The following THSD7B variants were observed in gnomAD, a reference collection of about 807,000 sequenced individuals.
The protein encoded by THSD7B is thrombospondin type-1 domain-containing protein 7B.
A neutral mutation model predicts 213.6 loss-of-function variants in THSD7B; 138 were observed. The observed-to-expected ratio is 0.65, with a 90% CI of 0.56 to 0.74. The LOEUF is 0.74. Ranked by LOEUF, THSD7B falls within the 30% of genes least tolerant of loss-of-function variation. The probability of loss-of-function intolerance (pLI) is 0.00; values close to 1 mark genes in which losing one functional copy is unlikely to be tolerated. For synonymous variants in THSD7B, 742 were observed against 687.0 expected, an observed-to-expected ratio of 1.08 and a Z score of -1.25; for missense variants, 1,931 against 1,991.5, an observed-to-expected ratio of 0.97 and a Z score of 0.58.
At chr2:136,923,824 T>C (rs1558853856) in intron 2 of THSD7B, among the ~76,000 whole-genome samples, 1 of 152,204 alleles carries the variant, frequency 6.6e-6, no homozygotes, top group South Asian at 2.1e-4. Flanking sequence ...TATCGTGTTA[T>C]AGAAGTTCCT....
chr2:137,316,354 C>G (rs1173386078), intron 12 of THSD7B, among the ~76,000 whole-genome samples: 1 of 152,220 alleles, frequency 6.6e-6, no homozygotes, highest in Non-Finnish European at 1.5e-5. Flanking sequence ...CAAAAAGTTA[C>G]TAAGAATTTA....
chr2:137,351,536 A>C (rs1685014072), intron 12 of THSD7B, among the ~76,000 whole-genome samples: 1 of 151,948 alleles, frequency 6.6e-6, no homozygotes, highest in East Asian at 1.9e-4. Flanking sequence ...TTCCAACTAA[A>C]TAGAAAATAG....
chr2:137,502,145 T>C (rs1334190004), intron 15 of THSD7B, among the ~76,000 whole-genome samples: 1 of 152,058 alleles, frequency 6.6e-6, no homozygotes, highest in African/African-American at 2.4e-5. Context: ...GTTCTGTGCA[T>C]TGAGGATAAC....
rs569680366 is a variant in THSD7B, at chr2:136,878,430, TC to T, written c.-35-3712del. ...TGACTTATAATCCTTTGGGTATATA[TC>T]CAGTAATGGGATGGCTGGGTCAAAT... On this transcript the variant is annotated intron_variant, in intron 1 of 27. Transcript: ENST00000409968. 2.8e-4 allele frequency among the ~76,000 whole-genome samples: 42 copies of T among 152,258 alleles called. 1 individual carries two copies. In the South Asian group the frequency reaches 8.7e-3, roughly 32 times the overall value.
At chr2:137,116,951 A>C (rs2104940232) in intron 5 of THSD7B, among the ~76,000 whole-genome samples, 1 of 152,324 alleles carries the variant, frequency 6.6e-6, no homozygotes, top group South Asian at 2.1e-4. Flanking sequence ...GGAAAACAGA[A>C]AGTACTTAGA....
intron 17 of THSD7B, among the ~76,000 whole-genome samples, chr2:137,587,143 G>A (rs1033782790): frequency 6.6e-6 from 1 of 152,156 alleles, no homozygotes; most frequent in African/African-American, 2.4e-5. Context: ...ACTGAAGCTT[G>A]TGCATTTGTC....
intron 3 of THSD7B, among the ~76,000 whole-genome samples, chr2:137,091,893 C>T (rs895541361): frequency 1.3e-5 from 2 of 152,156 alleles, no homozygotes; most frequent in Admixed American, 6.6e-5. Context: ...CGACTTACAG[C>T]TTTCTGTTGT....
chr2:137,368,771 C>A (rs1354874421), intron 12 of THSD7B, among the ~76,000 whole-genome samples: 1 of 152,074 alleles, frequency 6.6e-6, no homozygotes, highest in Non-Finnish European at 1.5e-5. Flanking sequence ...TTAGCCTTAT[C>A]CTGATTCTTT....
At chr2:137,351,979 A>G (rs971468059) in intron 12 of THSD7B, among the ~76,000 whole-genome samples, 16 of 151,878 alleles carry the variant, frequency 1.1e-4, no homozygotes, top group African/African-American at 3.6e-4. Context: ...TTAGCTTATC[A>G]GCTATCATTA....
chr2:137,241,810 G>A (rs1344782960), intron 9 of THSD7B, among the ~76,000 whole-genome samples: 1 of 151,938 alleles, frequency 6.6e-6, no homozygotes, highest in Non-Finnish European at 1.5e-5. Context: ...TTGAGAGGCT[G>A]AGGTGTGAGA....
chr2:137,272,360 T>C (rs2104806627), intron 10 of THSD7B, among the ~76,000 whole-genome samples, 173 bp from the exon 11 acceptor site: 1 of 152,294 alleles, frequency 6.6e-6, no homozygotes, highest in Non-Finnish European at 1.5e-5. Flanking sequence ...GTTTATTTCA[T>C]AAAAGTAAGA....
intron 12 of THSD7B, among the ~76,000 whole-genome samples, chr2:137,305,512 T>A (rs1020797271): frequency 1.3e-5 from 2 of 152,102 alleles, no homozygotes; most frequent in East Asian, 1.9e-4. Context: ...GTATCTTGAA[T>A]AAGCTGGGGC....
intron 1 of THSD7B, among the ~76,000 whole-genome samples, chr2:136,779,991 T>C (rs1347135562): frequency 6.6e-6 from 1 of 152,108 alleles, no homozygotes; most frequent in African/African-American, 2.4e-5. Flanking sequence ...AGGGATGTAT[T>C]AGCTAAGGCT....
intron 2 of THSD7B, among the ~76,000 whole-genome samples, chr2:137,001,532 G>A (rs1039773178): frequency 2.2e-4 from 34 of 152,090 alleles, no homozygotes; most frequent in African/African-American, 8.2e-4. Context: ...AGCTCAGGAG[G>A]AAGAAAAGTA....
intron 10 of THSD7B, among the ~76,000 whole-genome samples, chr2:137,254,041 T>C (rs148122470): frequency 3.2e-3 from 480 of 152,326 alleles, no homozygotes; most frequent in Non-Finnish European, 5.4e-3. Flanking sequence ...ATCAACAAGC[T>C]ACTTTATGCT....
intron 1 of THSD7B, among the ~76,000 whole-genome samples, chr2:136,852,689 G>A (rs1171374438): frequency 1.3e-5 from 2 of 152,132 alleles, no homozygotes; most frequent in African/African-American, 4.8e-5. Context: ...ACTTATGCCT[G>A]TCTTTGCTTT....
intron 7 of THSD7B, 31 bp downstream of exon 7, chr2:137,170,969 G>T (rs1340078060): frequency 6.2e-7 from 1 of 1,607,780 alleles, no homozygotes; most frequent in Non-Finnish European, 8.5e-7. Flanking sequence ...AGAGGTGTTA[G>T]GATGTTAAGT....
intron 12 of THSD7B, among the ~76,000 whole-genome samples, chr2:137,344,605 G>A (rs911792077): frequency 1.3e-5 from 2 of 151,624 alleles, no homozygotes; most frequent in African/African-American, 2.4e-5. Context: ...GACACAAACC[G>A]GGAGTGTTAG....
chr2:137,456,793 A>G (rs748885893), intron 15 of THSD7B, among the ~76,000 whole-genome samples: 38 of 152,202 alleles, frequency 2.5e-4, no homozygotes, highest in Admixed American at 2.0e-4. Context: ...CCTCAGGACT[A>G]TTTGGGAGGA....
Sources: gnomAD v4.1 joint callset for allele counts (sites outside exome capture counted in the v4.1 genomes callset) on GRCh38, gnomAD v4.1.1 for gene constraint, MANE v1.5 for transcripts, NCBI Gene and HGNC (gene_info 2026-07-23, HGNC 2026-07-21) for gene names.